Variants in NASP observed in about 807,000 individuals in gnomAD.
NASP encodes the protein NASP histone chaperone.
Under a neutral mutation model 89.5 loss-of-function variants are expected in NASP, and 24 were observed. The ratio of observed to expected loss-of-function variants is 0.27; its 90% CI spans 0.19 to 0.38. The LOEUF (loss-of-function observed/expected upper bound fraction) is 0.38. Among genes scored for constraint, NASP ranks in the 10% least tolerant of loss-of-function variants. The probability of loss-of-function intolerance (pLI) is 1.00; values close to 1 mark genes in which losing one functional copy is unlikely to be tolerated. For synonymous variants in NASP, 306 were observed against 324.7 expected (o/e 0.94, Z 0.62); for missense variants, 848 against 921.4 (o/e 0.92, Z 1.03).
chr1:45,584,419 C>T (rs191143727), intron 1 of NASP, among the ~76,000 whole-genome samples: 4 of 152,366 alleles, frequency 2.6e-5, no homozygotes, highest in Non-Finnish European at 4.4e-5. Context: ...GCGCCCCCTG[C>T]CCCGCTTTTC....
chr1:45,604,768 C>T (rs1046310137), intron 3 of NASP, 168 bp from the exon 4 acceptor site: 13 of 562,940 alleles, frequency 2.3e-5, no homozygotes, highest in African/African-American at 2.3e-4. Context: ...AAAGAGCATA[C>T]AAAATTTTCA....
chr1:45,617,136 C>A, intron 13 of NASP: 1 of 317,560 alleles, frequency 3.1e-6, no homozygotes, highest in Non-Finnish European at 5.9e-6. Context: ...AGCCACTGCC[C>A]TCAGCCAGGG....
At chr1:45,591,875 C>G (rs952711431) in intron 2 of NASP, among the ~76,000 whole-genome samples, 11 of 152,198 alleles carry the variant, frequency 7.2e-5, no homozygotes, top group African/African-American at 2.4e-4. Flanking sequence ...AGCTGGAGTT[C>G]AGTGATGTTA....
chr1:45,614,320 T>C lies in NASP; in HGVS notation c.1620T>C (p.Tyr540=). Residue 540 remains tyrosine (Y), a synonymous_variant, in exon 9 of 15, where the codon TAT becomes TAC. Coordinates refer to ENST00000350030, the MANE Select transcript of NASP (RefSeq NM_002482.4). ...KRQETKEAQL[Y]AAQAHLKLGE... is the part of the protein sequence containing the mutation. ...AAGAAACAAAAGAAGCACAGCTTTA[T>C]GCTGCCCAGGCACATCTTAAACTCG... is the stretch of plus-strand genomic sequence containing the variant. 1.9e-6 allele frequency: 3 copies of C among 1,614,134 alleles called. No individual in the cohort carries two copies. The East Asian group carries it at 6.7e-5, about 36-fold the overall frequency.
rs376748495 is a variant in NASP, at chr1:45,596,982, CAAAAAAAAG to C, written c.108-5259_108-5251del. Among the ~76,000 whole-genome samples, 445 of 147,388 alleles carry C rather than the reference CAAAAAAAAG, an allele frequency of 3.0e-3. 2 individuals carry two copies. The highest frequency in any genetic ancestry group is 9.5e-3 in the African/African-American group (379 of 39,870). ...TGGGCAATAGAGTGAGACGCTGTCT[CAAAAAAAAG>C]AAAAAAAAGAAAAGAAAAAAGAAAT... On this transcript the variant is annotated intron_variant, in intron 2 of 14. Coordinates refer to ENST00000350030, the MANE Select transcript of NASP (RefSeq NM_002482.4).
At chr1:45,614,829 G>GCCCA in intron 9 of NASP, 184 bp from the exon 10 acceptor site, 2 of 575,836 alleles carry the variant, frequency 3.5e-6, no homozygotes, top group East Asian at 6.3e-5. Flanking sequence ...GAGCCACCAC[G>GCCCA]CCCAGCCTCA....
chr1:45,614,865 T>G (rs1255196743), intron 9 of NASP, 148 bp from the exon 10 acceptor site: 1 of 742,988 alleles, frequency 1.3e-6, no homozygotes, highest in Admixed American at 3.0e-5. Context: ...TCATTTTGAC[T>G]TTCTTTATAG....
Position 45,602,234 on chromosome 1 carries a change from G to GA in NASP, c.108-15dup, listed in dbSNP as rs749039778. 178 of 1,605,184 alleles carry GA rather than the reference G, an allele frequency of 1.1e-4. 2 individuals carry two copies. The African/African-American group carries it at 2.1e-3, about 19-fold the overall frequency. On this transcript the variant is annotated intron_variant, in intron 2 of 14. Coordinates refer to ENST00000350030, the MANE Select transcript of NASP (RefSeq NM_002482.4). ...CTGATTTAAACAGTACTTGACACTA[G>GA]AAAAAATCTTTTTTTTGCAGTCTGG...
At position 45,617,513 on chromosome 1, in the gene NASP, A is replaced by G; in HGVS notation, c.2208A>G (p.Lys736=). ...SPRKDDAKKA[K]QEPEVNGGSG... is the part of the protein sequence containing the mutation. The stretch of plus-strand genomic sequence containing the variant: ...GGAAAGATGATGCAAAGAAAGCCAA[A>G]CAAGAGCCGGAGGTGAACGGAGGCA... Residue 736 remains lysine (K), a synonymous_variant, in exon 14 of 15, where the codon AAA becomes AAG. Transcript: ENST00000350030. The G allele has an allele frequency of 6.2e-7, 1 of 1,613,766 alleles. No individual in the cohort carries two copies. The highest frequency in any genetic ancestry group is 8.5e-7 in the Non-Finnish European group (1 of 1,179,846).
intron 2 of NASP, among the ~76,000 whole-genome samples, chr1:45,599,600 G>A (rs2148346221): frequency 6.6e-6 from 1 of 151,950 alleles, no homozygotes; most frequent in Middle Eastern, 3.4e-3. Context: ...GCTAACTTTT[G>A]TATTTTCAGA....
At chr1:45,605,133 A>C (rs1643891456) in intron 4 of NASP, 117 bp downstream of exon 4, 1 of 770,638 alleles carries the variant, frequency 1.3e-6, no homozygotes, top group Non-Finnish European at 2.2e-6. Context: ...AGGAGCTTGA[A>C]GTAGTGATGG....
At chr1:45,587,671 T>TATATATATATATATATATATAC (rs1448895794) in intron 1 of NASP, among the ~76,000 whole-genome samples, 4 of 68,892 alleles carry the variant, frequency 5.8e-5, no homozygotes, top group African/African-American at 2.3e-4. Context: ...CATATATATA[T>TATATATATATATATATATATAC]ATATATATAT....
chr1:45,614,475 C>A, intron 9 of NASP, 109 bp downstream of exon 9: 1 of 806,610 alleles, frequency 1.2e-6, no homozygotes, highest in Non-Finnish European at 2.1e-6. Flanking sequence ...GGTCTGTGTT[C>A]CCTGTAGACC....
At chr1:45,590,494 A>G (rs540098350) in intron 1 of NASP, among the ~76,000 whole-genome samples, 1 of 149,258 alleles carries the variant, frequency 6.7e-6, no homozygotes, top group East Asian at 2.0e-4. Context: ...GCTTGCAGTG[A>G]GCCGGAGATC....
At position 45,591,405 on chromosome 1, in the gene NASP, A is replaced by G; in HGVS notation, c.107+135A>G. On this transcript the variant is annotated intron_variant, in intron 2 of 14. Coordinates refer to ENST00000350030, the MANE Select transcript of NASP (RefSeq NM_002482.4). ...GGTGTCGCTTTGTTGCTCAGGCCGA[A>G]GTGCAGTGTGCAATCAGGGCTCACT... 1.6e-6 allele frequency: 1 copy of G among 619,614 alleles called. No homozygotes were observed. Among genetic ancestry groups the G allele is most frequent in the Non-Finnish European group, 2.7e-6 (1 of 373,324 alleles). 38.4% of individuals were successfully genotyped at this position (619,614 alleles called of 1,614,324 possible).
rs957635555 is a variant in NASP at position 45,615,088 on chromosome 1, G to A, written c.1742G>A (p.Arg581His). The A allele has an allele frequency of 2.5e-6, 4 of 1,614,016 alleles. No homozygotes were observed. Among genetic ancestry groups the A allele is most frequent in the South Asian group, 1.1e-5 (1 of 91,086 alleles). The stretch of plus-strand genomic sequence containing the variant: ...GAACAGTACCTGGAAGCCCACGACC[G>A]TCTCCTTGCAGAGACCCACTACCAG... ...LQEQYLEAHD[R>H]LLAETHYQLG... Residue 581 changes from arginine to histidine, a missense_variant, in exon 10 of 15, where the codon CGT becomes CAT. Arg to His is a conservative substitution (Grantham distance 29). This residue lies in a region of NASP where 60 missense variants were observed against 114.6 expected (regional missense o/e 0.52). Coordinates refer to ENST00000350030, the MANE Select transcript of NASP (RefSeq NM_002482.4).
At chr1:45,601,434 C>T (rs1643840278) in intron 2 of NASP, among the ~76,000 whole-genome samples, 1 of 152,102 alleles carries the variant, frequency 6.6e-6, no homozygotes, top group Non-Finnish European at 1.5e-5. Flanking sequence ...TTATCCATTC[C>T]TCATTGCATT....
At chr1:45,606,006 C>T (rs1046900428) in intron 4 of NASP, among the ~76,000 whole-genome samples, 1 of 152,106 alleles carries the variant, frequency 6.6e-6, no homozygotes, top group African/African-American at 2.4e-5. Flanking sequence ...GAACTCCTGA[C>T]CTCAGGTGAT....
chr1:45,614,977 T>C, intron 9 of NASP, 36 bp from the exon 10 acceptor site: 1 of 1,570,084 alleles, frequency 6.4e-7, no homozygotes, highest in Non-Finnish European at 8.7e-7. Context: ...TGTTGAATGC[T>C]GTCCATTTAC....
Sources: allele counts gnomAD v4.1 joint callset (sites outside exome capture counted in the v4.1 genomes callset), GRCh38; gene constraint gnomAD v4.1.1; regional missense constraint gnomAD v4.1.1; transcripts MANE v1.5; gene names NCBI Gene and HGNC (gene_info 2026-07-23, HGNC 2026-07-21).